CDK14: variants seen among roughly 807,000 people sequenced by gnomAD.
CDK14 encodes cyclin dependent kinase 14, also known as cyclin-dependent kinase 14.
A neutral mutation model predicts 60.7 loss-of-function variants in CDK14; 34 were observed. The ratio of observed to expected loss-of-function variants is 0.56; its 90% confidence interval spans 0.43 to 0.75. The LOEUF (loss-of-function observed/expected upper bound fraction) is 0.75. Ranked by LOEUF, CDK14 falls within the 30% of genes least tolerant of loss-of-function variation. The pLI is 0.00. For synonymous variants in CDK14, 197 were observed against 203.7 expected (o/e 0.97, Z 0.28); for missense variants, 482 against 564.1 (o/e 0.85, Z 1.47).
chr7:90,691,041 C>T (rs1161062756), intron 2 of CDK14, among the ~76,000 whole-genome samples: 1 of 152,098 alleles, frequency 6.6e-6, no homozygotes, highest in East Asian at 1.9e-4. Flanking sequence ...TTTATTCTTA[C>T]TCATAGTAAT....
chr7:91,081,182 G>A (rs575059044), intron 12 of CDK14, among the ~76,000 whole-genome samples: 13 of 152,198 alleles, frequency 8.5e-5, no homozygotes, highest in Admixed American at 3.9e-4. Flanking sequence ...TCAAACCAAG[G>A]CAATTTAAAG....
At chr7:90,651,384 CT>C (rs1303229335) in intron 2 of CDK14, among the ~76,000 whole-genome samples, 1 of 152,134 alleles carries the variant, frequency 6.6e-6, no homozygotes, top group Admixed American at 6.6e-5. Flanking sequence ...CCGATCCCTC[CT>C]TTGAGCACCC....
In CDK14 at chr7:91,118,226, A is replaced by G. The variant is rs369423179; in HGVS notation, c.*28+18A>G. On this transcript the variant is annotated intron_variant, in intron 14 of 14. Transcript: ENST00000380050. ...GCACACAGGTAAGAGGACCTGCTTT[A>G]CCTGGAAAGTAATATTTAATGGATA... The G allele has an allele frequency of 2.7e-6, 3 of 1,124,944 alleles. No homozygotes were observed. The highest frequency in any genetic ancestry group is 4.0e-6 in the Non-Finnish European group (3 of 750,604). 69.7% of individuals were successfully genotyped at this position (1,124,944 alleles called of 1,614,324 possible).
intron 2 of CDK14, among the ~76,000 whole-genome samples, chr7:90,621,031 A>G (rs981655489): frequency 1.3e-5 from 2 of 152,208 alleles, no homozygotes; most frequent in Admixed American, 6.5e-5. Flanking sequence ...GCATCCCACA[A>G]GACAGTCAGG....
intron 9 of CDK14, among the ~76,000 whole-genome samples, chr7:90,957,740 G>A (rs1331098564): frequency 6.6e-6 from 1 of 151,960 alleles, no homozygotes; most frequent in Non-Finnish European, 1.5e-5. Context: ...ATGCTCATGG[G>A]TAGGAAGAAT....
chr7:91,125,498 G>A (rs1371335932), intron 14 of CDK14, among the ~76,000 whole-genome samples: 2 of 151,962 alleles, frequency 1.3e-5, no homozygotes, highest in Non-Finnish European at 2.9e-5. Context: ...GCATCTTTTG[G>A]AATTTAGGAT....
chr7:90,923,531 A>T (rs1387333361), intron 8 of CDK14, among the ~76,000 whole-genome samples: 1 of 152,202 alleles, frequency 6.6e-6, no homozygotes, highest in Non-Finnish European at 1.5e-5. Flanking sequence ...CTGTTCAGTC[A>T]CCATAAGCCA....
chr7:90,982,634 A>G (rs984273304), intron 9 of CDK14, among the ~76,000 whole-genome samples: 1 of 152,214 alleles, frequency 6.6e-6, no homozygotes, highest in Non-Finnish European at 1.5e-5. Context: ...CTTGAACATG[A>G]CTTGAGGACT....
At chr7:90,979,442 C>G (rs555470552) in intron 9 of CDK14, 1 of 152,276 alleles carries the variant, frequency 6.6e-6, no homozygotes, top group African/African-American at 2.4e-5. Context: ...CCCTTTCAGG[C>G]GTTAAGCATC....
chr7:90,613,275 A>G (rs575079027), intron 2 of CDK14, among the ~76,000 whole-genome samples: 1 of 152,326 alleles, frequency 6.6e-6, no homozygotes, highest in African/African-American at 2.4e-5. Context: ...GGAAAACATG[A>G]GTAGTGTCCT....
Position 91,125,697 on chromosome 7 carries a change from TAG to T in CDK14, c.*28+7492_*28+7493del, listed in dbSNP as rs145479405. Among the ~76,000 whole-genome samples the T allele has an allele frequency of 4.9e-4, 74 of 152,292 alleles. No individual in the cohort carries two copies. The East Asian group carries it at 0.013, about 27-fold the overall frequency. On this transcript the variant is annotated intron_variant, in intron 14 of 14. Coordinates refer to ENST00000380050, the MANE Select transcript of CDK14 (RefSeq NM_001287135.2). ...AATCTAGAAAAAAAAATACAAAAGTTAGAGTCATTGGTGGAAATTTATCTCAT... is the reference window on the plus strand; with the variant it reads ...AATCTAGAAAAAAAAATACAAAAGTTAGTCATTGGTGGAAATTTATCTCAT...
Position 90,891,542 on chromosome 7 carries a change from A to T in CDK14, c.640-7749A>T, listed in dbSNP as rs77883162. On this transcript the variant is annotated intron_variant, in intron 6 of 14. Coordinates refer to ENST00000380050, the MANE Select transcript of CDK14 (RefSeq NM_001287135.2). ...CATTTGTGTGTATGTTATAAAATCT[A>T]TACAAAGCTTGAATATATTGACTGT... Among the ~76,000 whole-genome samples, 955 of 152,332 alleles carry T rather than the reference A, an allele frequency of 6.3e-3. 6 individuals are homozygous for T. Among genetic ancestry groups the T allele is most frequent in the African/African-American group, 0.021 (856 of 41,570 alleles).
At chr7:91,173,505 C>T (rs1157803370) in intron 14 of CDK14, among the ~76,000 whole-genome samples, 6 of 152,110 alleles carry the variant, frequency 3.9e-5, no homozygotes, top group Non-Finnish European at 7.4e-5. Flanking sequence ...GCCTAAGCAA[C>T]GCAGAAGACT....
At chr7:90,811,511 A>AC (rs1294207616) in intron 5 of CDK14, among the ~76,000 whole-genome samples, 1 of 152,168 alleles carries the variant, frequency 6.6e-6, no homozygotes, top group Non-Finnish European at 1.5e-5. Flanking sequence ...AACCATAAAA[A>AC]CCCTAGAAGA....
intron 12 of CDK14, among the ~76,000 whole-genome samples, chr7:91,104,447 A>G (rs566477763): frequency 6.6e-6 from 1 of 152,288 alleles, no homozygotes; most frequent in South Asian, 2.1e-4. Flanking sequence ...TTTGTGAAAA[A>G]TCTGCAGTCT....
intron 4 of CDK14, among the ~76,000 whole-genome samples, chr7:90,774,320 A>T (rs1804926785): frequency 1.3e-5 from 2 of 152,328 alleles, no homozygotes; most frequent in East Asian, 3.9e-4. Flanking sequence ...CAACATGTGT[A>T]GGTAGTTCTT....
chr7:90,712,106 T>A (rs1440327556), intron 2 of CDK14, among the ~76,000 whole-genome samples: 3 of 151,994 alleles, frequency 2.0e-5, no homozygotes, highest in Non-Finnish European at 4.4e-5. Context: ...AAGGAGATAT[T>A]GTATGCTTTG....
intron 12 of CDK14, among the ~76,000 whole-genome samples, chr7:91,092,513 A>G (rs1798860104): frequency 6.6e-6 from 1 of 152,244 alleles, no homozygotes; most frequent in South Asian, 2.1e-4. Context: ...TGCACAAAGC[A>G]AGTTCCCTGC....
intron 2 of CDK14, among the ~76,000 whole-genome samples, chr7:90,678,715 TA>T (rs1358075166): frequency 1.3e-5 from 2 of 152,092 alleles, no homozygotes. Context: ...AATCACCATA[TA>T]AACTCAGAAA....
Sources: allele counts gnomAD v4.1 joint callset (sites outside exome capture counted in the v4.1 genomes callset), GRCh38; gene constraint gnomAD v4.1.1; transcripts MANE v1.5; gene names NCBI Gene and HGNC (gene_info 2026-07-23, HGNC 2026-07-21).